NCALD: variants seen among roughly 807,000 people sequenced by gnomAD.
NCALD encodes neurocalcin delta.
Under a neutral mutation model 18.6 loss-of-function variants are expected in NCALD, and 10 were observed. The ratio of observed to expected loss-of-function variants is 0.54; its 90% CI spans 0.33 to 0.91. The LOEUF is 0.91. Ranked by LOEUF, NCALD falls within the 40% of genes least tolerant of loss-of-function variation. The pLI, the probability that NCALD is intolerant of heterozygous loss-of-function variation, is 0.03. For missense variants in NCALD, 184 were observed against 247.6 expected (o/e 0.74, Z 1.72); for synonymous variants, 88 against 87.4 (o/e 1.01, Z -0.04).
chr8:101,708,454 C>T (rs976111068), intron 2 of NCALD, among the ~76,000 whole-genome samples: 1 of 152,200 alleles, frequency 6.6e-6, no homozygotes, highest in African/African-American at 2.4e-5. Flanking sequence ...CCATTACTTT[C>T]TCCATTGAAG....
intron 1 of NCALD, among the ~76,000 whole-genome samples, chr8:102,069,613 A>G (rs1824116331): frequency 6.6e-6 from 1 of 152,184 alleles, no homozygotes; most frequent in Non-Finnish European, 1.5e-5. Flanking sequence ...AGTAGGAAAA[A>G]ACCCTAAACA....
chr8:101,928,702 G>C (rs1344152098), intron 2 of NCALD, among the ~76,000 whole-genome samples: 1 of 151,252 alleles, frequency 6.6e-6, no homozygotes, highest in African/African-American at 2.4e-5. Context: ...TTCATTTTCA[G>C]GACTTCTTAC....
At chr8:101,796,594 T>G (rs1489973677) in intron 4 of NCALD, among the ~76,000 whole-genome samples, 1 of 151,694 alleles carries the variant, frequency 6.6e-6, no homozygotes, top group African/African-American at 2.4e-5. Flanking sequence ...AAAAGAAAAC[T>G]AATGAAAGAG....
rs189306810 is a variant in NCALD at position 101,869,303 on chromosome 8, G to A, written c.-20+17838C>T. On this transcript the variant is annotated intron_variant, in intron 4 of 6. Transcript: ENST00000311028. Reference sequence around the variant, plus strand: ...GAGAGAGGGAGGAGGATCAGAGTCAGGAGTAGGAGATGTGGTGATGGAAGT... The same window carrying A: ...GAGAGAGGGAGGAGGATCAGAGTCAAGAGTAGGAGATGTGGTGATGGAAGT... 1.9e-3 allele frequency among the ~76,000 whole-genome samples: 282 copies of A among 152,292 alleles called. 1 individual carries two copies. The highest frequency in any genetic ancestry group is 6.6e-3 in the African/African-American group (273 of 41,552).
At chr8:102,103,462 A>G (rs1401903009) in intron 1 of NCALD, among the ~76,000 whole-genome samples, 1 of 152,226 alleles carries the variant, frequency 6.6e-6, no homozygotes, top group Non-Finnish European at 1.5e-5. Flanking sequence ...TAACTTGCCC[A>G]TAGTGACGCA....
chr8:101,876,851 A>G (rs1380405454), intron 4 of NCALD, among the ~76,000 whole-genome samples: 1 of 152,214 alleles, frequency 6.6e-6, no homozygotes, highest in Non-Finnish European at 1.5e-5. Flanking sequence ...GAAAAACTAC[A>G]TTTTGATACC....
At chr8:101,765,929 A>G (rs185996904) in intron 1 of NCALD, among the ~76,000 whole-genome samples, 135 of 152,328 alleles carry the variant, frequency 8.9e-4, no homozygotes, top group African/African-American at 2.8e-3. Flanking sequence ...TCTACAGGGC[A>G]CATATTACTA....
intron 1 of NCALD, among the ~76,000 whole-genome samples, chr8:101,780,726 C>A (rs6468793): frequency 6.6e-6 from 1 of 152,050 alleles, no homozygotes; most frequent in Admixed American, 6.6e-5. Flanking sequence ...AAATTTTACA[C>A]GCATATTTTA....
intron 1 of NCALD, among the ~76,000 whole-genome samples, chr8:101,729,372 G>A (rs745348779): frequency 1.3e-5 from 2 of 152,126 alleles, no homozygotes; most frequent in Non-Finnish European, 2.9e-5. Context: ...CTCTCCTCTC[G>A]CCTCTGCTAA....
chr8:102,091,288 G>A (rs1025998709), intron 1 of NCALD, among the ~76,000 whole-genome samples: 5 of 152,186 alleles, frequency 3.3e-5, no homozygotes, highest in Admixed American at 3.3e-4. Context: ...TTTGTTGCTA[G>A]TAAAAATGGG....
At chr8:102,073,979 T>A (rs1824263412) in intron 1 of NCALD, among the ~76,000 whole-genome samples, 1 of 152,228 alleles carries the variant, frequency 6.6e-6, no homozygotes, top group Non-Finnish European at 1.5e-5. Flanking sequence ...CAGGACACCA[T>A]TAATGAGTTT....
chr8:101,812,861 G>A (rs948976527), intron 4 of NCALD, among the ~76,000 whole-genome samples: 2 of 152,090 alleles, frequency 1.3e-5, no homozygotes, highest in African/African-American at 2.4e-5. Flanking sequence ...TCCTAAGCCA[G>A]TTTGAGTGGG....
intron 4 of NCALD, among the ~76,000 whole-genome samples, chr8:101,863,752 C>T (rs1815642386): frequency 6.6e-6 from 1 of 152,140 alleles, no homozygotes; most frequent in Admixed American, 6.5e-5. Context: ...AGGACTAATT[C>T]AGACAAAGGG....
chr8:101,865,989 C>G (rs565605487), intron 4 of NCALD, among the ~76,000 whole-genome samples: 5 of 152,290 alleles, frequency 3.3e-5, no homozygotes, highest in Admixed American at 2.0e-4. Context: ...GTGTCTCACT[C>G]TACTTCCTAG....
rs1426183466 is a variant in NCALD, at chr8:101,689,387, C to G, written c.504G>C (p.Glu168Asp). 6.2e-7 allele frequency: 1 copy of G among 1,609,804 alleles called. No individual in the cohort carries two copies. Among genetic ancestry groups the G allele is most frequent in the South Asian group, 1.1e-5 (1 of 89,884 alleles). Reference protein sequence around the residue: ...TNRDGKLSLEEFIRGAKSDPS... With the variant: ...TNRDGKLSLEDFIRGAKSDPS... ...GGTCGCTTTTGGCTCCTCGGATGAA[C>G]TCTTCCAGGGAGAGTTTTCCTAGGA... Residue 168 changes from glutamate to aspartate, a missense_variant, in exon 4 of 4, where the codon GAG becomes GAC. Physicochemically the swap from Glu to Asp is conservative, Grantham distance 45. Transcript: ENST00000220931. The surrounding 1 kb of genome is among the most constrained non-coding windows in gnomAD (Gnocchi z 4.4).
At chr8:102,057,336 CTCTT>C (rs1486892921) in intron 1 of NCALD, among the ~76,000 whole-genome samples, 1 of 151,850 alleles carries the variant, frequency 6.6e-6, no homozygotes, top group African/African-American at 2.4e-5. Flanking sequence ...ACTCCTGTAT[CTCTT>C]TCTTAATTAG....
chr8:101,980,395 G>A (rs1419974558), intron 2 of NCALD, among the ~76,000 whole-genome samples: 5 of 152,152 alleles, frequency 3.3e-5, no homozygotes, highest in Admixed American at 6.5e-5. Flanking sequence ...CAAGGAGGCC[G>A]GATTTATTCT....
chr8:102,066,184 C>A (rs186682131), intron 1 of NCALD, among the ~76,000 whole-genome samples: 1 of 152,358 alleles, frequency 6.6e-6, no homozygotes, highest in East Asian at 1.9e-4. Context: ...TGTCACAGGT[C>A]ATGTGCTCCA....
Position 101,937,918 on chromosome 8 carries a change from T to C in NCALD, c.-156-22060A>G, listed in dbSNP as rs146776028. ...CCTGGAGAATATTGAGAAAGATAAC[T>C]GAAAGCTATGGTCTCCAAGTCACGT... On this transcript the variant is annotated intron_variant, in intron 2 of 6. Transcript: ENST00000311028. 8.8e-4 allele frequency among the ~76,000 whole-genome samples: 134 copies of C among 152,322 alleles called. 1 individual carries two copies. The highest frequency in any genetic ancestry group is 3.1e-3 in the African/African-American group (130 of 41,572).
Sources: allele counts gnomAD v4.1 joint callset (sites outside exome capture counted in the v4.1 genomes callset), GRCh38; gene constraint gnomAD v4.1.1; non-coding constraint Gnocchi (gnomAD v3.1); transcripts MANE v1.5; gene names NCBI Gene and HGNC (gene_info 2026-07-23, HGNC 2026-07-21).